SCUBE3: variants seen among roughly 807,000 people sequenced by gnomAD.
The protein encoded by SCUBE3 is signal peptide, CUB domain and EGF like domain containing 3.
A neutral mutation model predicts 116.8 loss-of-function variants in SCUBE3; 33 were observed. The ratio of observed to expected loss-of-function variants is 0.28; its 90% CI spans 0.21 to 0.38. The LOEUF is 0.38. Ranked by LOEUF, SCUBE3 falls within the 10% of genes least tolerant of loss-of-function variation. The pLI is 1.00. For synonymous variants in SCUBE3, 418 were observed against 496.9 expected (o/e 0.84, Z 2.11); for missense variants, 1,007 against 1,324.8 (o/e 0.76, Z 3.72).
In SCUBE3 at chr6:35,242,227, C is replaced by A; in HGVS notation, c.1441C>A (p.Gln481Lys). The A allele has an allele frequency of 6.2e-7, 1 of 1,613,782 alleles. No individual in the cohort carries two copies. The highest frequency in any genetic ancestry group is 8.5e-7 in the Non-Finnish European group (1 of 1,179,658). The change falls in exon 13 of 22, where the codon CAA becomes AAA. Residue 481 changes from glutamine (Q) to lysine (K), a missense_variant. Gln to Lys is a moderately conservative substitution (Grantham distance 53). Coordinates refer to ENST00000274938, the MANE Select transcript of SCUBE3 (RefSeq NM_152753.4). ...CHEAAVLSIKQRASFKIKDAK... is the reference protein window; with the variant it reads ...CHEAAVLSIKKRASFKIKDAK... ...AGAGGCTGCAGTGCTGTCCATTAAA[C>A]AACGGGCCTCCTTCAAGATCAAGGA...
In SCUBE3 at chr6:35,242,245, A is replaced by G. The variant is rs148169334; in HGVS notation, c.1459A>G (p.Ile487Val). Residue 487 changes from isoleucine (I) to valine (V), a missense_variant, in exon 13 of 22, where the codon ATC (isoleucine) becomes GTC (valine). Transcript: ENST00000274938. ...LSIKQRASFK[I>V]KDAKCRLHLR... Reference sequence around the variant, plus strand: ...CATTAAACAACGGGCCTCCTTCAAGATCAAGGATGCCAAATGCCGTTTGCA... The same window carrying G: ...CATTAAACAACGGGCCTCCTTCAAGGTCAAGGATGCCAAATGCCGTTTGCA... 6.2e-7 allele frequency: 1 copy of G among 1,613,878 alleles called. No homozygotes were observed. Among genetic ancestry groups the G allele is most frequent in the African/African-American group, 1.3e-5 (1 of 74,896 alleles).
In SCUBE3 at chr6:35,245,998, T is replaced by C. The variant is rs1165220572; in HGVS notation, c.2654T>C (p.Ile885Thr). ...ACCTGCCAGACCTACGAGCGTCCCA[T>C]TGCCTTCACTGCCCGTTCCAGGAAG... ...YETCQTYERP[I>T]AFTARSRKLW... is the part of the protein sequence containing the mutation. The change falls in exon 20 of 22, where the codon ATT (isoleucine) becomes ACT (threonine). Residue 885 changes from isoleucine to threonine, a missense_variant. This residue lies in a region of SCUBE3 where 118 missense variants were observed against 196.6 expected (regional missense o/e 0.60). Coordinates refer to ENST00000274938, the MANE Select transcript of SCUBE3 (RefSeq NM_152753.4). This position sits in a 1 kb window ranked among gnomAD's most constrained non-coding sequence, Gnocchi z 4.2. 2.5e-6 allele frequency: 4 copies of C among 1,614,138 alleles called. No individual in the cohort carries two copies. The highest frequency in any genetic ancestry group is 3.4e-6 in the Non-Finnish European group (4 of 1,180,004).
chr6:35,233,110 C>A lies in SCUBE3; in HGVS notation c.596-75C>A. Reference sequence around the variant, plus strand: ...TGGGGGAGGCAACTAGGCAAGGGGGCCAGTACCCACATTGTGGAAAACTGT... The same window carrying A: ...TGGGGGAGGCAACTAGGCAAGGGGGACAGTACCCACATTGTGGAAAACTGT... On this transcript the variant is annotated intron_variant, in intron 5 of 21. Transcript: ENST00000274938. The surrounding 1 kb of genome is among the most constrained non-coding windows in gnomAD (Gnocchi z 5.7). The A allele has an allele frequency of 1.4e-6, 2 of 1,466,320 alleles. No individual in the cohort carries two copies. Among genetic ancestry groups the A allele is most frequent in the South Asian group, 1.2e-5 (1 of 84,240 alleles). 90.8% of individuals were successfully genotyped at this position (1,466,320 alleles called of 1,614,324 possible). A position where few individuals can be genotyped will look rare whatever the true frequency, so the allele number is the denominator to read the frequency against.
In SCUBE3 at chr6:35,249,924, T is replaced by C. The variant is rs1407100691; in HGVS notation, c.*1219T>C. 1 of 152,704 alleles carries C rather than the reference T, an allele frequency of 6.5e-6. No individual in the cohort carries two copies. Among genetic ancestry groups the C allele is most frequent in the Admixed American group, 6.5e-5 (1 of 15,292 alleles). 9.5% of individuals were successfully genotyped at this position (152,704 alleles called of 1,614,324 possible). A position where few individuals can be genotyped will look rare whatever the true frequency, so the allele number is the denominator to read the frequency against. ...TGTTGTCTAGACGGAGGGGTTTTTGTTTTCTGGGTTTGTTTTTTGTTTTTG... is the reference window on the plus strand; with the variant it reads ...TGTTGTCTAGACGGAGGGGTTTTTGCTTTCTGGGTTTGTTTTTTGTTTTTG... On this transcript the variant is annotated 3_prime_UTR_variant, in exon 22 of 22. Coordinates refer to ENST00000274938, the MANE Select transcript of SCUBE3 (RefSeq NM_152753.4).
Position 35,242,238 on chromosome 6 carries a change from C to T in SCUBE3, c.1452C>T (p.Ser484=), listed in dbSNP as rs1425618593. 4 of 1,613,998 alleles carry T rather than the reference C, an allele frequency of 2.5e-6. No individual in the cohort carries two copies. Among genetic ancestry groups the T allele is most frequent in the Non-Finnish European group, 3.4e-6 (4 of 1,179,898 alleles). Residue 484 remains serine (S), a synonymous_variant, in exon 13 of 22, where the codon TCC becomes TCT. Coordinates refer to ENST00000274938, the MANE Select transcript of SCUBE3 (RefSeq NM_152753.4). ...TGCTGTCCATTAAACAACGGGCCTCCTTCAAGATCAAGGATGCCAAATGCC... is the reference window on the plus strand; with the variant it reads ...TGCTGTCCATTAAACAACGGGCCTCTTTCAAGATCAAGGATGCCAAATGCC... The part of the protein sequence containing the change: ...AAVLSIKQRA[S]FKIKDAKCRL...
At chr6:35,215,612 C>G (rs1009352367) in intron 1 of SCUBE3, among the ~76,000 whole-genome samples, 3 of 152,100 alleles carry the variant, frequency 2.0e-5, no homozygotes, top group African/African-American at 7.2e-5. Context: ...GCCTGAGTGT[C>G]CGACACAGGT....
intron 1 of SCUBE3, among the ~76,000 whole-genome samples, chr6:35,216,467 T>C (rs184575536): frequency 7.6e-4 from 116 of 152,348 alleles, no homozygotes; most frequent in African/African-American, 2.7e-3. Flanking sequence ...TGGAAGCCTT[T>C]CATTGACCCT....
rs1391934062 is a variant in SCUBE3, at chr6:35,232,616, G to A, written c.470-234G>A. 1.3e-5 allele frequency among the ~76,000 whole-genome samples: 2 copies of A among 152,172 alleles called. No homozygotes were observed. The highest frequency in any genetic ancestry group is 2.9e-5 in the Non-Finnish European group (2 of 68,030). ...AAAGGGTGATCATTCGTTGGGATGA[G>A]TATCAATAGCTAGCTAGTTATACAT... On this transcript the variant is annotated intron_variant, in intron 4 of 21. Coordinates refer to ENST00000274938, the MANE Select transcript of SCUBE3 (RefSeq NM_152753.4). The surrounding 1 kb of genome is among the most constrained non-coding windows in gnomAD (Gnocchi z 4.2).
At position 35,233,053 on chromosome 6, in the gene SCUBE3, C is replaced by A; in HGVS notation, c.595+78C>A. 1 of 1,564,316 alleles carries A rather than the reference C, an allele frequency of 6.4e-7. No individual in the cohort carries two copies. Among genetic ancestry groups the A allele is most frequent in the Non-Finnish European group, 8.8e-7 (1 of 1,140,114 alleles). On this transcript the variant is annotated intron_variant, in intron 5 of 21. Transcript: ENST00000274938. The surrounding 1 kb of genome is among the most constrained non-coding windows in gnomAD (Gnocchi z 5.7). ...GAGGAAGGGTATAGGGCTTCAGGAGCAAGAGGACAGGGCTGGGAGGAAAAG... is the reference window on the plus strand; with the variant it reads ...GAGGAAGGGTATAGGGCTTCAGGAGAAAGAGGACAGGGCTGGGAGGAAAAG...
rs1783011212 is a variant in SCUBE3, at chr6:35,218,539, G to A, written c.85+4036G>A. Among the ~76,000 whole-genome samples, 3 of 152,280 alleles carry A rather than the reference G, an allele frequency of 2.0e-5. No individual in the cohort carries two copies. In the South Asian group the frequency reaches 6.2e-4, roughly 32 times the overall value. On this transcript the variant is annotated intron_variant, in intron 1 of 21. Coordinates refer to ENST00000274938, the MANE Select transcript of SCUBE3 (RefSeq NM_152753.4). ...ATCCCTAGCACATGACCACTTATAAGAAAGAGTCCCTGTCAGGGCTGGAAA... is the reference window on the plus strand; with the variant it reads ...ATCCCTAGCACATGACCACTTATAAAAAAGAGTCCCTGTCAGGGCTGGAAA...
At chr6:35,216,214 C>A (rs1056733202) in intron 1 of SCUBE3, among the ~76,000 whole-genome samples, 8 of 152,230 alleles carry the variant, frequency 5.3e-5, no homozygotes, top group African/African-American at 1.7e-4. Context: ...TATGGGAGAT[C>A]AGCTCATGAT....
At chr6:35,237,830 C>T in intron 6 of SCUBE3, 72 bp from the exon 7 acceptor site, 6 of 920,516 alleles carry the variant, frequency 6.5e-6, no homozygotes, top group East Asian at 4.9e-5. Context: ...CTGTGGTCTC[C>T]ACTACCCTCA....
In SCUBE3 at chr6:35,231,866, C is replaced by G. The variant is rs375936935; in HGVS notation, c.469+7C>G. On this transcript the variant is annotated splice_region_variant and intron_variant, in intron 4 of 21. Coordinates refer to ENST00000274938, the MANE Select transcript of SCUBE3 (RefSeq NM_152753.4). The surrounding 1 kb of genome is among the most constrained non-coding windows in gnomAD (Gnocchi z 4.2). ...TGTATCCAGCGGCCAGAAGGTCAGC[C>G]CATGACCTGGGATGGCCCCATCCCT... The G allele has an allele frequency of 1.9e-6, 3 of 1,604,138 alleles. No homozygotes were observed. The highest frequency in any genetic ancestry group is 2.7e-5 in the African/African-American group (2 of 74,882).
chr6:35,246,386 A>C (rs1184193122), intron 21 of SCUBE3, 101 bp downstream of exon 21: 5 of 851,528 alleles, frequency 5.9e-6, no homozygotes, highest in Non-Finnish European at 9.6e-6. Context: ...CACTTGATAG[A>C]CACAATAGCT....
rs763329099 is a variant in SCUBE3 at position 35,232,847 on chromosome 6, T to C, written c.470-3T>C. 6.2e-7 allele frequency: 1 copy of C among 1,614,070 alleles called. No homozygotes were observed. The highest frequency in any genetic ancestry group is 2.2e-5 in the East Asian group (1 of 44,884). On this transcript the variant is annotated splice_polypyrimidine_tract_variant and splice_region_variant and intron_variant, in intron 4 of 21. Transcript: ENST00000274938. This position sits in a 1 kb window ranked among gnomAD's most constrained non-coding sequence, Gnocchi z 4.2. Reference sequence around the variant, plus strand: ...GCATTCACACCCCTTTCTTCTCTTTTAGAAGGAATGAATTGCATGAACAAG... The same window carrying C: ...GCATTCACACCCCTTTCTTCTCTTTCAGAAGGAATGAATTGCATGAACAAG...
At chr6:35,238,293 T>C (rs1288762190) in intron 7 of SCUBE3, among the ~76,000 whole-genome samples, 1 of 152,174 alleles carries the variant, frequency 6.6e-6, no homozygotes, top group Admixed American at 6.5e-5. Context: ...TCTTAGTTAA[T>C]GGACATGCGA....
rs776672878 is a variant in SCUBE3 at position 35,231,806 on chromosome 6, G to A, written c.416G>A (p.Arg139Gln). ...NMMGSYECHC[R>Q]EGFFLSDNQH... ...ATGGGCAGCTATGAGTGCCACTGCCGGGAAGGCTTCTTCCTCAGCGACAAC... is the reference window on the plus strand; with the variant it reads ...ATGGGCAGCTATGAGTGCCACTGCCAGGAAGGCTTCTTCCTCAGCGACAAC... Residue 139 changes from arginine to glutamine, a missense_variant, in exon 4 of 22, where the codon CGG (arginine) becomes CAG (glutamine). Coordinates refer to ENST00000274938, the MANE Select transcript of SCUBE3 (RefSeq NM_152753.4). The surrounding 1 kb of genome is among the most constrained non-coding windows in gnomAD (Gnocchi z 4.2). 12 of 1,613,586 alleles carry A rather than the reference G, an allele frequency of 7.4e-6. No homozygotes were observed. The highest frequency in any genetic ancestry group is 3.3e-5 in the South Asian group (3 of 91,080).
rs1004141806 is a variant in SCUBE3, at chr6:35,246,229, G to A, written c.2776G>A (p.Asp926Asn). ...AGAGGACTATGAGCAGCTGGTAGAA[G>A]ACATTGTGCGAGATGGCCGGCTCTA... ...YDEDYEQLVE[D>N]IVRDGRLYAS... The change falls in exon 21 of 22, where the codon GAC becomes AAC. Residue 926 changes from aspartate (D) to asparagine (N), a missense_variant. Physicochemically the swap from Asp to Asn is conservative, Grantham distance 23. This residue lies in a region of SCUBE3 where 118 missense variants were observed against 196.6 expected (regional missense o/e 0.60). Transcript: ENST00000274938. 1 of 1,614,194 alleles carries A rather than the reference G, an allele frequency of 6.2e-7. No individual in the cohort carries two copies. Among genetic ancestry groups the A allele is most frequent in the Admixed American group, 1.7e-5 (1 of 60,024 alleles).
chr6:35,231,873 C>A lies in SCUBE3; in HGVS notation c.469+14C>A. The A allele has an allele frequency of 6.3e-7, 1 of 1,598,836 alleles. No individual in the cohort carries two copies. The highest frequency in any genetic ancestry group is 8.6e-7 in the Non-Finnish European group (1 of 1,168,548). ...AGCGGCCAGAAGGTCAGCCCATGAC[C>A]TGGGATGGCCCCATCCCTGCCCTCC... On this transcript the variant is annotated intron_variant, in intron 4 of 21. Transcript: ENST00000274938. This position sits in a 1 kb window ranked among gnomAD's most constrained non-coding sequence, Gnocchi z 4.2.
Sources: allele counts gnomAD v4.1 joint callset (sites outside exome capture counted in the v4.1 genomes callset), GRCh38; gene constraint gnomAD v4.1.1; regional missense constraint gnomAD v4.1.1; non-coding constraint Gnocchi (gnomAD v3.1); transcripts MANE v1.5; gene names NCBI Gene and HGNC (gene_info 2026-07-23, HGNC 2026-07-21).